The following MAGI1 variants were observed in gnomAD, a reference collection of about 807,000 sequenced individuals.
The protein encoded by MAGI1 is membrane-associated guanylate kinase, WW and PDZ domain-containing protein 1.
Under a neutral mutation model 139.9 loss-of-function variants are expected in MAGI1, and 58 were observed. The observed-to-expected ratio is 0.41, with a 90% CI of 0.34 to 0.52. The LOEUF (loss-of-function observed/expected upper bound fraction) is 0.52, where lower values mean the gene tolerates loss of function less well. Ranked by LOEUF, MAGI1 falls within the 20% of genes least tolerant of loss-of-function variation. The pLI, the probability that MAGI1 is intolerant of heterozygous loss-of-function variation, is 0.12. For synonymous variants in MAGI1, 812 were observed against 737.9 expected, an observed-to-expected ratio of 1.10 and a Z score of -1.63; for missense variants, 1,874 against 1,901.6, an observed-to-expected ratio of 0.99 and a Z score of 0.27.
At chr3:65,508,267 G>A (rs1195364190) in intron 2 of MAGI1, among the ~76,000 whole-genome samples, 2 of 152,042 alleles carry the variant, frequency 1.3e-5, no homozygotes, top group Non-Finnish European at 2.9e-5. Context: ...AGCCGGGCGT[G>A]GCAGTGGGCG....
rs546031801 is a variant in MAGI1, at chr3:65,809,338, G to C, written c.314-187250C>G. Among the ~76,000 whole-genome samples the C allele has an allele frequency of 1.5e-3, 234 of 152,156 alleles. 1 individual carries two copies. The highest frequency in any genetic ancestry group is 3.4e-3 in the Middle Eastern group (1 of 294). On this transcript the variant is annotated intron_variant, in intron 1 of 22. Coordinates refer to ENST00000402939, the MANE Select transcript of MAGI1 (RefSeq NM_001033057.2). ...GGTAACAGTTGTCACCATTTCCAAG[G>C]GGAAGCTGAAAAAGAAGGTGAGAAA...
intron 1 of MAGI1, among the ~76,000 whole-genome samples, chr3:65,839,708 C>A (rs573260302): frequency 1.3e-5 from 2 of 152,048 alleles, no homozygotes; most frequent in Non-Finnish European, 2.9e-5. Context: ...TTCTTAGACA[C>A]GACATTGAAA....
chr3:65,605,289 C>T (rs1452828625), intron 2 of MAGI1, among the ~76,000 whole-genome samples: 1 of 152,150 alleles, frequency 6.6e-6, no homozygotes, highest in East Asian at 1.9e-4. Flanking sequence ...GGCTTCAGAA[C>T]ACAAATTATG....
chr3:65,506,864 G>C (rs1215528279), intron 2 of MAGI1, among the ~76,000 whole-genome samples: 1 of 152,052 alleles, frequency 6.6e-6, no homozygotes, highest in Admixed American at 6.6e-5. Context: ...AATTACAATA[G>C]CAATTCAAAA....
intron 5 of MAGI1, among the ~76,000 whole-genome samples, chr3:65,469,519 C>T (rs892755387): frequency 3.3e-5 from 5 of 151,500 alleles, no homozygotes. Context: ...CTAGTATTTA[C>T]ATTTTATAAA....
At chr3:66,010,361 T>C (rs374611751) in intron 1 of MAGI1, among the ~76,000 whole-genome samples, 1 of 152,170 alleles carries the variant, frequency 6.6e-6, no homozygotes, top group Non-Finnish European at 1.5e-5. Flanking sequence ...CCCTAGGCAA[T>C]AACTTGGGCA....
chr3:65,675,802 C>T (rs1421469591), intron 1 of MAGI1, among the ~76,000 whole-genome samples: 1 of 152,208 alleles, frequency 6.6e-6, no homozygotes, highest in Non-Finnish European at 1.5e-5. Context: ...AAGCCAACCA[C>T]TTCATATGGG....
chr3:65,854,453 ATC>A (rs2059307597), intron 1 of MAGI1, among the ~76,000 whole-genome samples: 1 of 152,230 alleles, frequency 6.6e-6, no homozygotes, highest in Admixed American at 6.5e-5. Context: ...ATGTGCCTCC[ATC>A]TCTCCATGAA....
intron 12 of MAGI1, among the ~76,000 whole-genome samples, chr3:65,428,037 C>T (rs1258463043): frequency 2.0e-5 from 3 of 152,144 alleles, no homozygotes; most frequent in Non-Finnish European, 4.4e-5. Context: ...AAGCCAGGCT[C>T]ATTGAGCATT....
At position 65,364,888 on chromosome 3, in the gene MAGI1, T is replaced by C; in HGVS notation, c.3255A>G (p.Thr1085=). The C allele has an allele frequency of 6.2e-7, 1 of 1,613,950 alleles. No individual in the cohort carries two copies. The highest frequency in any genetic ancestry group is 2.2e-5 in the East Asian group (1 of 44,858). ...NAEKIATITT[T]HTPSQQGTQE... The stretch of plus-strand genomic sequence containing the variant: ...GGGTCCCTTGCTGAGAAGGGGTGTG[T>C]GTGGTGGTGATGGTGGCAATCTTCT... Residue 1085 remains threonine, a synonymous_variant, in exon 19 of 23, where the codon ACA becomes ACG. Transcript: ENST00000402939.
At chr3:65,360,695 G>T in intron 22 of MAGI1, 2 of 987,646 alleles carry the variant, frequency 2.0e-6, no homozygotes, top group Non-Finnish European at 2.4e-6. Flanking sequence ...GGGGGATGGA[G>T]AAGTGTTGTA....
chr3:65,904,311 A>G (rs2061352254), intron 1 of MAGI1, among the ~76,000 whole-genome samples: 1 of 152,202 alleles, frequency 6.6e-6, no homozygotes, highest in African/African-American at 2.4e-5. Flanking sequence ...TAGAAGGGTG[A>G]TAAGGTCACA....
At chr3:65,977,289 G>A (rs747849553) in intron 1 of MAGI1, among the ~76,000 whole-genome samples, 17 of 152,196 alleles carry the variant, frequency 1.1e-4, no homozygotes, top group Non-Finnish European at 2.1e-4. Context: ...CTCAACCTAC[G>A]AGGACTCCAC....
chr3:65,896,620 A>T (rs2108599670), intron 1 of MAGI1, among the ~76,000 whole-genome samples: 1 of 152,272 alleles, frequency 6.6e-6, no homozygotes, highest in East Asian at 1.9e-4. Context: ...AGTTACAGTG[A>T]ACTATGATTG....
intron 2 of MAGI1, among the ~76,000 whole-genome samples, chr3:65,576,125 A>G (rs1279473469): frequency 3.3e-5 from 5 of 152,166 alleles, no homozygotes; most frequent in Non-Finnish European, 5.9e-5. Context: ...TTGTTTTCTA[A>G]TTACTTTATG....
At chr3:65,526,831 A>G (rs971258888) in intron 2 of MAGI1, among the ~76,000 whole-genome samples, 6 of 152,196 alleles carry the variant, frequency 3.9e-5, no homozygotes, top group Admixed American at 2.0e-4. Context: ...TAGTTAAAAA[A>G]TTAAACGGTC....
At chr3:65,981,223 G>GA (rs1348875436) in intron 1 of MAGI1, among the ~76,000 whole-genome samples, 1 of 151,460 alleles carries the variant, frequency 6.6e-6, no homozygotes, top group African/African-American at 2.4e-5. Flanking sequence ...TTTATTTCAA[G>GA]AGCTCCGTAG....
chr3:65,999,580 T>C (rs973347588), intron 1 of MAGI1, among the ~76,000 whole-genome samples: 1 of 152,174 alleles, frequency 6.6e-6, no homozygotes, highest in Non-Finnish European at 1.5e-5. Flanking sequence ...TTTTAACATA[T>C]ACTTTCAGAC....
chr3:65,383,588 T>C lies in MAGI1; in HGVS notation c.2452A>G (p.Arg818Gly). 6.2e-7 allele frequency: 1 copy of C among 1,613,868 alleles called. No homozygotes were observed. The highest frequency in any genetic ancestry group is 8.5e-7 in the Non-Finnish European group (1 of 1,179,804). Residue 818 changes from arginine (R) to glycine (G), a missense_variant, in exon 15 of 23, where the codon AGA (arginine) becomes GGA (glycine). Arg to Gly is a moderately radical substitution (Grantham distance 125). This residue lies in a region of MAGI1 where 482 missense variants were observed against 509.6 expected (regional missense o/e 0.95). Coordinates refer to ENST00000402939, the MANE Select transcript of MAGI1 (RefSeq NM_001033057.2). ...CTAAATCCAAATCCAGTCTCTTTTC[T>C]CCAGAGGAAGATGTCCTGTTCCTGG... is the stretch of plus-strand genomic sequence containing the variant. The part of the protein sequence containing the change: ...DYQEQDIFLW[R>G]KETGFGFRIL...
Sources: allele counts gnomAD v4.1 joint callset (sites outside exome capture counted in the v4.1 genomes callset), GRCh38; gene constraint gnomAD v4.1.1; regional missense constraint gnomAD v4.1.1; transcripts MANE v1.5; gene names NCBI Gene and HGNC (gene_info 2026-07-23, HGNC 2026-07-21).